The following UBE2D2 variants were observed in gnomAD, a reference collection of about 807,000 sequenced individuals.
UBE2D2 encodes ubiquitin conjugating enzyme E2 D2.
In UBE2D2, 2 loss-of-function variants were observed where a neutral mutation model predicts 24.2. The ratio of observed to expected loss-of-function variants is 0.08; its 90% CI spans 0.03 to 0.26. The LOEUF (loss-of-function observed/expected upper bound fraction) is 0.26. UBE2D2 is among the 10% of genes least tolerant of loss of function. UBE2D2 has a pLI of 1.00. For missense variants in UBE2D2, 44 were observed against 177.6 expected, an observed-to-expected ratio of 0.25 and a Z score of 4.28; for synonymous variants, 58 against 56.5, an observed-to-expected ratio of 1.03 and a Z score of -0.12.
chr5:139,580,563 G>A (rs908834243), intron 1 of UBE2D2, among the ~76,000 whole-genome samples: 14 of 152,140 alleles, frequency 9.2e-5, no homozygotes, highest in Non-Finnish European at 5.9e-5. Context: ...CCGGGTTTAA[G>A]CAATTCTCCT....
intron 1 of UBE2D2, among the ~76,000 whole-genome samples, chr5:139,599,795 A>G (rs1007720259): frequency 6.6e-6 from 1 of 151,788 alleles, no homozygotes; most frequent in Non-Finnish European, 1.5e-5. Context: ...AATACATAAT[A>G]CATGTTTTTT....
chr5:139,596,704 C>T (rs1415720519), intron 1 of UBE2D2, among the ~76,000 whole-genome samples: 1 of 151,664 alleles, frequency 6.6e-6, no homozygotes, highest in Non-Finnish European at 1.5e-5. Context: ...CATTAGACAC[C>T]AGCCTGGGAA....
At chr5:139,527,717 A>G (rs1752557502) in intron 1 of UBE2D2, among the ~76,000 whole-genome samples, 1 of 152,218 alleles carries the variant, frequency 6.6e-6, no homozygotes, top group African/African-American at 2.4e-5. Flanking sequence ...AACATGTTTA[A>G]AAAATTGTCT....
At chr5:139,575,580 T>C (rs938931300) in intron 1 of UBE2D2, among the ~76,000 whole-genome samples, 4 of 152,198 alleles carry the variant, frequency 2.6e-5, no homozygotes, top group Non-Finnish European at 5.9e-5. Context: ...TTTTTGTAGG[T>C]CTAGAATTGT....
rs1753092245 is a variant in UBE2D2 at position 139,561,547 on chromosome 5, C to T, written c.-245C>T. ...GAAGAGGCAGCTACGGCGGCGGCGG[C>T]GGTGGCGGCTAGGGCGGCGGCGAAT... On this transcript the variant is annotated 5_prime_UTR_variant, in exon 1 of 7. Coordinates refer to ENST00000398733, the MANE Select transcript of UBE2D2 (RefSeq NM_003339.3). 3.7e-5 allele frequency: 15 copies of T among 408,018 alleles called. No individual in the cohort carries two copies. Among genetic ancestry groups the T allele is most frequent in the South Asian group, 2.1e-4 (3 of 14,580 alleles). 25.3% of individuals were successfully genotyped at this position (408,018 alleles called of 1,614,324 possible).
intron 1 of UBE2D2, among the ~76,000 whole-genome samples, chr5:139,583,757 A>G (rs1359518599): frequency 1.3e-5 from 2 of 152,142 alleles, no homozygotes; most frequent in Non-Finnish European, 2.9e-5. Flanking sequence ...GCGAGACTCC[A>G]TCTCGAAAGA....
At chr5:139,621,377 T>C (rs1754511290) in intron 5 of UBE2D2, among the ~76,000 whole-genome samples, 1 of 152,264 alleles carries the variant, frequency 6.6e-6, no homozygotes, top group Non-Finnish European at 1.5e-5. Flanking sequence ...TAGATGAGAT[T>C]CTAAATTGTC....
At chr5:139,603,376 A>G (rs1754122244) in intron 2 of UBE2D2, among the ~76,000 whole-genome samples, 1 of 152,178 alleles carries the variant, frequency 6.6e-6, no homozygotes, top group African/African-American at 2.4e-5. Context: ...GCCGAGTGCG[A>G]TGGTTCACGT....
chr5:139,618,173 C>T, intron 5 of UBE2D2, among the ~76,000 whole-genome samples: 1 of 151,966 alleles, frequency 6.6e-6, no homozygotes, highest in Admixed American at 6.6e-5. Context: ...GGAGTTTCTC[C>T]ATGTTGGTCA....
At chr5:139,554,009 ACCTCAGGTGATCTGCCTG>A (rs954971056) in intron 1 of UBE2D2, among the ~76,000 whole-genome samples, 1 of 151,976 alleles carries the variant, frequency 6.6e-6, no homozygotes, top group Non-Finnish European at 1.5e-5. Flanking sequence ...TGAACTTCTG[ACCTCAGGTGATCTGCCTG>A]CCTCAGCCTC....
At chr5:139,578,107 C>A (rs1359312962) in intron 1 of UBE2D2, among the ~76,000 whole-genome samples, 1 of 152,120 alleles carries the variant, frequency 6.6e-6, no homozygotes, top group Non-Finnish European at 1.5e-5. Context: ...ATGTGCCACC[C>A]TTGTTGTGGA....
At chr5:139,548,687 T>C (rs576236683) in intron 1 of UBE2D2, among the ~76,000 whole-genome samples, 1 of 152,296 alleles carries the variant, frequency 6.6e-6, no homozygotes, top group South Asian at 2.1e-4. Flanking sequence ...ACACCACTTG[T>C]TATTTAACCT....
At chr5:139,532,274 G>T (rs371024621) in intron 1 of UBE2D2, among the ~76,000 whole-genome samples, 11 of 150,498 alleles carry the variant, frequency 7.3e-5, no homozygotes, top group African/African-American at 2.7e-4. Context: ...CACCTCCCGG[G>T]TTCAAGCAAT....
intron 1 of UBE2D2, among the ~76,000 whole-genome samples, chr5:139,575,370 A>G (rs2126659403): frequency 6.6e-6 from 1 of 152,294 alleles, no homozygotes; most frequent in East Asian, 1.9e-4. Context: ...GAATTGGTAT[A>G]ATCTCAAAAT....
intron 1 of UBE2D2, among the ~76,000 whole-genome samples, chr5:139,571,394 A>G (rs569454727): frequency 1.8e-3 from 276 of 150,740 alleles, no homozygotes; most frequent in Non-Finnish European, 3.3e-3. Context: ...GCGACAGAGC[A>G]AGACTCCCTC....
intron 6 of UBE2D2, among the ~76,000 whole-genome samples, chr5:139,626,549 G>A (rs1449085813): frequency 1.3e-5 from 2 of 152,206 alleles, no homozygotes; most frequent in Non-Finnish European, 2.9e-5. Flanking sequence ...CCCTCTATAA[G>A]TAGCAATTAA....
intron 1 of UBE2D2, among the ~76,000 whole-genome samples, chr5:139,534,349 G>A (rs1462436662): frequency 4.0e-5 from 6 of 151,856 alleles, no homozygotes; most frequent in African/African-American, 7.3e-5. Flanking sequence ...GGCTGATCAC[G>A]AGGTCAGGAG....
chr5:139,554,639 G>A (rs911124263), intron 1 of UBE2D2, among the ~76,000 whole-genome samples: 1 of 152,128 alleles, frequency 6.6e-6, no homozygotes, highest in African/African-American at 2.4e-5. Flanking sequence ...ATAAATATTT[G>A]TGTACAACTC....
At chr5:139,620,231 A>C (rs1754491389) in intron 5 of UBE2D2, among the ~76,000 whole-genome samples, 1 of 152,218 alleles carries the variant, frequency 6.6e-6, no homozygotes, top group South Asian at 2.1e-4. Context: ...AGTATATTAG[A>C]AACCAAAATG....
Sources: gnomAD v4.1 joint callset for allele counts (sites outside exome capture counted in the v4.1 genomes callset) on GRCh38, gnomAD v4.1.1 for gene constraint, MANE v1.5 for transcripts, NCBI Gene and HGNC (gene_info 2026-07-23, HGNC 2026-07-21) for gene names.